Variants in FAM53A observed in about 807,000 individuals in gnomAD.
FAM53A encodes the protein family with sequence similarity 53 member A, also known as protein FAM53A.
Under a neutral mutation model 26.6 loss-of-function variants are expected in FAM53A, and 28 were observed. The ratio of observed to expected loss-of-function variants is 1.05; its 90% CI spans 0.78 to 1.45. FAM53A has a LOEUF of 1.45. Ranked by LOEUF, FAM53A falls within the 40% of genes most tolerant of loss-of-function variation. The probability of loss-of-function intolerance (pLI) is 0.00; values close to 1 mark genes in which losing one functional copy is unlikely to be tolerated. For synonymous variants in FAM53A, 290 were observed against 253.1 expected, an observed-to-expected ratio of 1.15 and a Z score of -1.38; for missense variants, 650 against 575.8, an observed-to-expected ratio of 1.13 and a Z score of -1.32.
rs374972217 is a variant in FAM53A at position 1,671,746 on chromosome 4, C to T, written c.-164-2841G>A. 1.5e-3 allele frequency among the ~76,000 whole-genome samples: 235 copies of T among 152,390 alleles called. 2 individuals carry two copies. Among genetic ancestry groups the T allele is most frequent in the African/African-American group, 5.4e-3 (225 of 41,594 alleles). ...GGTGAGGGGCCAGCTCCCTTCACAC[C>T]GTGCACCACGAGGGGCTGCACACCC... On this transcript the variant is annotated intron_variant, in intron 1 of 4. Coordinates refer to ENST00000308132, the MANE Select transcript of FAM53A (RefSeq NM_001174070.3).
chr4:1,641,287 C>T lies in FAM53A; in HGVS notation c.*6G>A, dbSNP rs753780311. 4 of 1,612,732 alleles carry T rather than the reference C, an allele frequency of 2.5e-6. No homozygotes were observed. In the South Asian group the frequency reaches 4.4e-5, roughly 18 times the overall value. Reference sequence around the variant, plus strand: ...CAGCCATGGCCCCGACCAGCCCCCACCAGCCTCAGTTGTTCTCGATCTGCT... The same window carrying T: ...CAGCCATGGCCCCGACCAGCCCCCATCAGCCTCAGTTGTTCTCGATCTGCT... On this transcript the variant is annotated 3_prime_UTR_variant, in exon 5 of 5. Coordinates refer to ENST00000308132, the MANE Select transcript of FAM53A (RefSeq NM_001174070.3).
At chr4:1,644,233 T>C (rs190806972) in intron 4 of FAM53A, 61 of 1,536,006 alleles carry the variant, frequency 4.0e-5, no homozygotes, top group South Asian at 1.9e-4. Context: ...CGGCGTTTTG[T>C]TTTCATTCAG....
At chr4:1,629,009 G>A (rs1715488880) in intron 1 of FAM53A, among the ~76,000 whole-genome samples, 2 of 151,908 alleles carry the variant, frequency 1.3e-5, no homozygotes, top group South Asian at 4.1e-4. Flanking sequence ...TGACCGCGTG[G>A]TCTCCAGGAG....
chr4:1,614,521 C>T (rs1010774412), downstream of FAM53A, among the ~76,000 whole-genome samples: 3 of 148,898 alleles, frequency 2.0e-5, no homozygotes, highest in Non-Finnish European at 3.0e-5. Flanking sequence ...GATGCAGAGA[C>T]GTGAGGGGGA....
At chr4:1,649,096 A>C (rs1011729708) in intron 4 of FAM53A, among the ~76,000 whole-genome samples, 6 of 150,154 alleles carry the variant, frequency 4.0e-5, no homozygotes, top group African/African-American at 1.5e-4. Context: ...GTGGGCAACA[A>C]GAGCAAAACA....
At chr4:1,683,323 G>C (rs957133086) in intron 1 of FAM53A, 1 of 152,188 alleles carries the variant, frequency 6.6e-6, no homozygotes, top group African/African-American at 2.4e-5. Flanking sequence ...AGAAGGTCAG[G>C]CGACAGGAGG....
the FAM53A span, among the ~76,000 whole-genome samples, chr4:1,599,194 C>T: frequency 6.7e-6 from 1 of 148,904 alleles, no homozygotes; most frequent in Non-Finnish European, 1.5e-5. The surrounding 1 kb of genome is among the most constrained non-coding windows in gnomAD (Gnocchi z 6.1). Context: ...CCCGGGACTT[C>T]GCCGAGGCCA....
chr4:1,594,464 C>T, the FAM53A span, among the ~76,000 whole-genome samples: 2 of 152,174 alleles, frequency 1.3e-5, no homozygotes, highest in Non-Finnish European at 2.9e-5. Flanking sequence ...GCACCCCCCA[C>T]GGTGGGGGTA....
chr4:1,643,830 G>T (rs772712327), intron 4 of FAM53A, among the ~76,000 whole-genome samples: 1 of 152,112 alleles, frequency 6.6e-6, no homozygotes, highest in East Asian at 1.9e-4. Context: ...GCCTCCCAAA[G>T]TGCTGGGATT....
At chr4:1,655,947 C>T (rs1199816419) in intron 3 of FAM53A, among the ~76,000 whole-genome samples, 2 of 152,202 alleles carry the variant, frequency 1.3e-5, no homozygotes, top group African/African-American at 2.4e-5. Context: ...AAGGGGACAC[C>T]GTGTCTGAAG....
chr4:1,618,163 A>G (rs924540560), intron 1 of FAM53A: 2 of 456,100 alleles, frequency 4.4e-6, no homozygotes, highest in African/African-American at 2.0e-5. Context: ...AAGAAGTAGA[A>G]CCAGAAGACA....
At chr4:1,632,879 C>G (rs1715670364) in intron 1 of FAM53A, among the ~76,000 whole-genome samples, 1 of 152,250 alleles carries the variant, frequency 6.6e-6, no homozygotes, top group African/African-American at 2.4e-5. Context: ...GGTACACTTA[C>G]ACACAGACTC....
At chr4:1,680,352 A>G (rs1359194034) in intron 1 of FAM53A, among the ~76,000 whole-genome samples, 1 of 144,870 alleles carries the variant, frequency 6.9e-6, no homozygotes, top group Non-Finnish European at 1.5e-5. Context: ...AAAACACACC[A>G]CTACACACAA....
chr4:1,644,051 G>A, intron 4 of FAM53A: 3 of 1,188,642 alleles, frequency 2.5e-6, no homozygotes, highest in Non-Finnish European at 3.5e-6. Context: ...TGGAGGTCCG[G>A]GTCTCACCAG....
intron 4 of FAM53A, among the ~76,000 whole-genome samples, chr4:1,649,648 ATGT>A (rs1203623390): frequency 1.3e-5 from 2 of 152,240 alleles, no homozygotes; most frequent in African/African-American, 4.8e-5. Context: ...AGGGAGGCCC[ATGT>A]GGCAAAGAAA....
intron 1 of FAM53A, among the ~76,000 whole-genome samples, chr4:1,627,864 C>A (rs1715379357): frequency 6.6e-6 from 1 of 151,890 alleles, no homozygotes; most frequent in Non-Finnish European, 1.5e-5. Flanking sequence ...GAGCCTCCCA[C>A]CCACCATGAA....
chr4:1,635,165 C>A (rs924130075), downstream of FAM53A, among the ~76,000 whole-genome samples: 2 of 152,184 alleles, frequency 1.3e-5, no homozygotes, highest in Non-Finnish European at 2.9e-5. Context: ...GCTCATTCTC[C>A]CCTTTTCTCA....
downstream of FAM53A, among the ~76,000 whole-genome samples, chr4:1,616,432 T>C (rs921217331): frequency 7.0e-6 from 1 of 143,098 alleles, no homozygotes; most frequent in South Asian, 2.1e-4. Flanking sequence ...AGCCGAGCCA[T>C]GATTGCGCCA....
chr4:1,649,181 A>G (rs1198719086), intron 4 of FAM53A, among the ~76,000 whole-genome samples: 17 of 124,688 alleles, frequency 1.4e-4, no homozygotes, highest in African/African-American at 4.8e-4. Flanking sequence ...GGGAAAGGGA[A>G]GGGGAAGGGG....
Sources: gnomAD v4.1 joint callset for allele counts (sites outside exome capture counted in the v4.1 genomes callset) on GRCh38, gnomAD v4.1.1 for gene constraint, Gnocchi (gnomAD v3.1) non-coding constraint, MANE v1.5 for transcripts, NCBI Gene and HGNC (gene_info 2026-07-23, HGNC 2026-07-21) for gene names.